Variants in EPB41L2 observed in about 807,000 individuals in gnomAD.
EPB41L2 encodes the protein band 4.1-like protein 2.
Under a neutral mutation model 113.0 loss-of-function variants are expected in EPB41L2, and 43 were observed. The ratio of observed to expected loss-of-function variants is 0.38; its 90% CI spans 0.30 to 0.49. The LOEUF (loss-of-function observed/expected upper bound fraction) is 0.49, where lower values mean the gene tolerates loss of function less well. Among genes scored for constraint, EPB41L2 ranks in the 20% least tolerant of loss-of-function variants. EPB41L2 has a pLI of 0.95. For missense variants in EPB41L2, 1,147 were observed against 1,223.4 expected (o/e 0.94, Z 0.93); for synonymous variants, 442 against 436.7 (o/e 1.01, Z -0.15).
intron 4 of EPB41L2, among the ~76,000 whole-genome samples, chr6:130,917,264 C>G (rs1329508786): frequency 6.6e-6 from 1 of 152,184 alleles, no homozygotes; most frequent in African/African-American, 2.4e-5. Context: ...GACAAAGAGT[C>G]TTTTCTTGAC....
chr6:130,978,707 C>G (rs9402306), intron 1 of EPB41L2: 41,118 of 152,138 alleles, frequency 0.27, 5,883 homozygotes, highest in East Asian at 0.45. Flanking sequence ...CTGATAGCTG[C>G]TGAGGACACA....
intron 1 of EPB41L2, among the ~76,000 whole-genome samples, chr6:131,006,806 C>A (rs758944928): frequency 1.3e-5 from 2 of 152,074 alleles, no homozygotes; most frequent in Non-Finnish European, 2.9e-5. Flanking sequence ...ATCTCAATTT[C>A]ATGCACCCCG....
At chr6:130,899,796 C>T (rs936339373) in intron 7 of EPB41L2, among the ~76,000 whole-genome samples, 4 of 151,884 alleles carry the variant, frequency 2.6e-5, no homozygotes, top group Non-Finnish European at 5.9e-5. Context: ...GGAGGTATAC[C>T]TCCACTCTTA....
At chr6:130,963,744 G>A (rs1010176462) in intron 1 of EPB41L2, among the ~76,000 whole-genome samples, 3 of 152,274 alleles carry the variant, frequency 2.0e-5, no homozygotes, top group Admixed American at 1.3e-4. Flanking sequence ...TAAACAACCA[G>A]AGGCCATATA....
At chr6:130,987,320 T>C (rs959762953) in intron 1 of EPB41L2, among the ~76,000 whole-genome samples, 4 of 152,338 alleles carry the variant, frequency 2.6e-5, no homozygotes, top group Non-Finnish European at 5.9e-5. Flanking sequence ...CCAACATGAC[T>C]GCACTTACAT....
chr6:131,023,920 T>C (rs1186459753), intron 1 of EPB41L2, among the ~76,000 whole-genome samples: 1 of 152,012 alleles, frequency 6.6e-6, no homozygotes, highest in Non-Finnish European at 1.5e-5. Flanking sequence ...CAGTCAGCCA[T>C]TATTATTTCA....
intron 1 of EPB41L2, among the ~76,000 whole-genome samples, chr6:130,958,578 G>A (rs1172478342): frequency 6.6e-6 from 1 of 151,984 alleles, no homozygotes; most frequent in African/African-American, 2.4e-5. Context: ...TTTTTAAATG[G>A]GTACTCATTA....
At chr6:130,947,192 A>G (rs1260804417) in intron 3 of EPB41L2, among the ~76,000 whole-genome samples, 2 of 152,036 alleles carry the variant, frequency 1.3e-5, no homozygotes, top group Non-Finnish European at 2.9e-5. Flanking sequence ...TCATCCTGGC[A>G]TTTGAGGCCT....
intron 1 of EPB41L2, among the ~76,000 whole-genome samples, chr6:130,975,000 T>C (rs1391857075): frequency 6.6e-6 from 1 of 152,100 alleles, no homozygotes; most frequent in Non-Finnish European, 1.5e-5. Context: ...AACACTCTTG[T>C]TTTCCAGATA....
chr6:131,035,714 T>A (rs1793164400), intron 1 of EPB41L2, among the ~76,000 whole-genome samples: 1 of 152,220 alleles, frequency 6.6e-6, no homozygotes, highest in African/African-American at 2.4e-5. Flanking sequence ...TTTAAGACTT[T>A]ACCTCTCTAA....
Position 130,894,957 on chromosome 6 carries a change from CTT to C in EPB41L2, c.1389+8_1389+9del. On this transcript the variant is annotated splice_region_variant and intron_variant, in intron 9 of 19. Coordinates refer to ENST00000337057, the MANE Select transcript of EPB41L2 (RefSeq NM_001431.4). ...ACTAACAACAACTGATTAGAAATGT[CTT>C]GGCTTACCTCTGCCGGTCTGACTTT... 12 of 1,609,790 alleles carry C rather than the reference CTT, an allele frequency of 7.5e-6. No individual in the cohort carries two copies. Among genetic ancestry groups the C allele is most frequent in the Non-Finnish European group, 9.3e-6 (11 of 1,177,444 alleles).
intron 1 of EPB41L2, among the ~76,000 whole-genome samples, chr6:130,998,387 T>C (rs1271158219): frequency 6.6e-6 from 1 of 152,060 alleles, no homozygotes; most frequent in Non-Finnish European, 1.5e-5. Context: ...GTAGGGGAAA[T>C]TGGGATACAC....
intron 1 of EPB41L2, among the ~76,000 whole-genome samples, chr6:131,053,441 A>G (rs1470710658): frequency 7.0e-6 from 1 of 142,046 alleles, no homozygotes; most frequent in Non-Finnish European, 1.5e-5. Flanking sequence ...TGATAAAAAA[A>G]AAAAAAAAAA....
At chr6:130,955,946 G>A (rs534210860) in intron 2 of EPB41L2, 48 bp downstream of exon 2, 1 of 1,566,050 alleles carries the variant, frequency 6.4e-7, no homozygotes, top group African/African-American at 1.4e-5. Context: ...TTTATTATGT[G>A]GTTACGCTAT....
At chr6:131,049,334 A>G (rs1215940324) in intron 1 of EPB41L2, among the ~76,000 whole-genome samples, 1 of 152,224 alleles carries the variant, frequency 6.6e-6, no homozygotes, top group Non-Finnish European at 1.5e-5. Context: ...AAGTTCATGG[A>G]TAAATTTGAT....
chr6:130,840,243 T>C lies in EPB41L2; in HGVS notation c.*361A>G, dbSNP rs1775062006. 1 of 152,638 alleles carries C rather than the reference T, an allele frequency of 6.6e-6. No homozygotes were observed. The highest frequency in any genetic ancestry group is 2.4e-5 in the African/African-American group (1 of 41,462). 9.5% of individuals were successfully genotyped at this position (152,638 alleles called of 1,614,324 possible). A position where few individuals can be genotyped will look rare whatever the true frequency, so the allele number is the denominator to read the frequency against. On this transcript the variant is annotated 3_prime_UTR_variant, in exon 20 of 20. Coordinates refer to ENST00000337057, the MANE Select transcript of EPB41L2 (RefSeq NM_001431.4). ...TCAAGTGAACAGCACCTTACCAGCTTGGGCTGGCTTTGTTCACTGTCATTT... is the reference window on the plus strand; with the variant it reads ...TCAAGTGAACAGCACCTTACCAGCTCGGGCTGGCTTTGTTCACTGTCATTT...
At chr6:130,898,013 G>C (rs1228764972) in intron 8 of EPB41L2, among the ~76,000 whole-genome samples, 1 of 144,998 alleles carries the variant, frequency 6.9e-6, no homozygotes, top group Non-Finnish European at 1.5e-5. Flanking sequence ...TCTTATAATA[G>C]TAAGTTAAAA....
intron 8 of EPB41L2, 127 bp from the exon 9 acceptor site, chr6:130,895,246 G>T: frequency 9.4e-7 from 1 of 1,066,758 alleles, no homozygotes; most frequent in South Asian, 1.8e-5. Flanking sequence ...AAAGTTTAGT[G>T]ACAAGTACGC....
chr6:130,899,519 A>T lies in EPB41L2; in HGVS notation c.1208T>A (p.Met403Lys). 6.2e-7 allele frequency: 1 copy of T among 1,613,984 alleles called. No homozygotes were observed. Among genetic ancestry groups the T allele is most frequent in the Middle Eastern group, 1.6e-4 (1 of 6,062 alleles). ...GGCATGATGTAGGTCAACACCATAC[A>T]TGGAAAGCCTCTTTGCATTTTCTAA... is the stretch of plus-strand genomic sequence containing the variant. ...QFLENAKRLSMYGVDLHHAKD... is the reference protein window; with the variant it reads ...QFLENAKRLSKYGVDLHHAKD... The change falls in exon 8 of 20, where the codon ATG becomes AAG. Residue 403 changes from methionine (M) to lysine (K), a missense_variant. Physicochemically the swap from Met to Lys is moderately conservative, Grantham distance 95. Transcript: ENST00000337057.
Sources: allele counts gnomAD v4.1 joint callset (sites outside exome capture counted in the v4.1 genomes callset), GRCh38; gene constraint gnomAD v4.1.1; transcripts MANE v1.5; gene names NCBI Gene and HGNC (gene_info 2026-07-23, HGNC 2026-07-21).